The following TPX2 variants were observed in gnomAD, a reference collection of about 807,000 sequenced individuals.
TPX2 encodes targeting protein for Xklp2.
TPX2 carries 21 observed loss-of-function variants against 93.6 expected under a neutral mutation model. That is an observed-to-expected ratio of 0.22 (90% CI 0.16 to 0.32). The LOEUF is 0.32. Among genes scored for constraint, TPX2 ranks in the 10% least tolerant of loss-of-function variants. The probability of loss-of-function intolerance (pLI) is 1.00; values close to 1 mark genes in which losing one functional copy is unlikely to be tolerated. For synonymous variants in TPX2, 281 were observed against 298.3 expected (o/e 0.94, Z 0.60); for missense variants, 776 against 871.1 (o/e 0.89, Z 1.37).
At chr20:31,756,632 A>C (rs1355989748) in intron 2 of TPX2, among the ~76,000 whole-genome samples, 1 of 151,362 alleles carries the variant, frequency 6.6e-6, no homozygotes, top group Admixed American at 6.6e-5. Flanking sequence ...ATTTATTATT[A>C]TTTTTTTTGA....
intron 3 of TPX2, 118 bp downstream of exon 3, chr20:31,757,700 C>A: frequency 2.8e-6 from 2 of 708,032 alleles, no homozygotes; most frequent in South Asian, 1.9e-5. Context: ...CTTTCTGCAC[C>A]AAGACATTCT....
chr20:31,775,931 G>T lies in TPX2; in HGVS notation c.673G>T (p.Val225Leu). The change falls in exon 8 of 18, where the codon GTG becomes TTG. Residue 225 changes from valine to leucine, a missense_variant. Around this residue, in one of 3 missense-constraint regions of TPX2, gnomAD observed 279 missense variants for 261.6 expected, o/e 1.07. Coordinates refer to ENST00000300403, the MANE Select transcript of TPX2 (RefSeq NM_012112.5). ...LEKSMKMQQE[V>L]VEMRKKNEEF... is the part of the protein sequence containing the mutation. The stretch of plus-strand genomic sequence containing the variant: ...GAAGAGTATGAAAATGCAGCAAGAG[G>T]TGGTGGAGATGCGGAAAAAGAATGA... 1 of 1,604,862 alleles carries T rather than the reference G, an allele frequency of 6.2e-7. No individual in the cohort carries two copies. The highest frequency in any genetic ancestry group is 8.5e-7 in the Non-Finnish European group (1 of 1,174,808).
chr20:31,768,345 C>T (rs1226047463), intron 5 of TPX2, among the ~76,000 whole-genome samples: 1 of 151,750 alleles, frequency 6.6e-6, no homozygotes, highest in African/African-American at 2.4e-5. Context: ...AAGTGATTCT[C>T]CTGCCTCAGC....
At chr20:31,784,038 G>A in intron 12 of TPX2, 117 bp downstream of exon 12, 1 of 1,086,850 alleles carries the variant, frequency 9.2e-7, no homozygotes, top group Non-Finnish European at 1.3e-6. Flanking sequence ...GGAACTGCAG[G>A]TGATAAAGAG....
At chr20:31,775,210 C>T (rs529411974) in intron 7 of TPX2, among the ~76,000 whole-genome samples, 3 of 151,784 alleles carry the variant, frequency 2.0e-5, no homozygotes, top group African/African-American at 7.3e-5. Context: ...CCACCCGCCT[C>T]GGCCTCCCAA....
intron 10 of TPX2, among the ~76,000 whole-genome samples, 166 bp downstream of exon 10, chr20:31,779,150 C>T (rs1484188718): frequency 6.6e-6 from 1 of 152,118 alleles, no homozygotes; most frequent in Non-Finnish European, 1.5e-5. Context: ...TTCAAACCAC[C>T]CAGCTGTCTG....
At chr20:31,782,498 G>A in intron 11 of TPX2, 108 bp downstream of exon 11, 1 of 1,427,310 alleles carries the variant, frequency 7.0e-7, no homozygotes, top group Non-Finnish European at 9.4e-7. Context: ...AAAATTTATG[G>A]CATTTGAGTA....
chr20:31,787,388 G>T (rs2062073774), intron 12 of TPX2, among the ~76,000 whole-genome samples: 1 of 151,618 alleles, frequency 6.6e-6, no homozygotes, highest in Admixed American at 6.6e-5. Context: ...TCAACTCTTG[G>T]TTTCTAGAGA....
At chr20:31,796,293 T>G (rs1487339957) in intron 15 of TPX2, among the ~76,000 whole-genome samples, 1 of 152,224 alleles carries the variant, frequency 6.6e-6, no homozygotes, top group Admixed American at 6.5e-5. Flanking sequence ...AAGATTACTT[T>G]GAAACAAATT....
intron 12 of TPX2, among the ~76,000 whole-genome samples, chr20:31,790,671 A>G (rs371018856): frequency 6.6e-6 from 1 of 152,156 alleles, no homozygotes; most frequent in Admixed American, 6.5e-5. Flanking sequence ...CTAGAGTCCA[A>G]GGTATAAATT....
intron 2 of TPX2, among the ~76,000 whole-genome samples, chr20:31,753,207 T>C (rs2061830319): frequency 6.6e-6 from 1 of 152,170 alleles, no homozygotes; most frequent in Admixed American, 6.5e-5. Context: ...ATGAACACCC[T>C]TCTTTAATTC....
intron 4 of TPX2, among the ~76,000 whole-genome samples, chr20:31,761,058 A>G (rs2061886982): frequency 6.6e-6 from 1 of 152,192 alleles, no homozygotes; most frequent in Admixed American, 6.6e-5. Context: ...AGTGTTTTTA[A>G]GTATATTCAC....
chr20:31,788,950 C>G (rs886494889), intron 12 of TPX2, among the ~76,000 whole-genome samples: 1 of 152,150 alleles, frequency 6.6e-6, no homozygotes, highest in Non-Finnish European at 1.5e-5. Context: ...GGCCTGAGAT[C>G]CTGTCCCAGG....
At chr20:31,793,259 G>T (rs1252253634) in intron 13 of TPX2, among the ~76,000 whole-genome samples, 1 of 152,198 alleles carries the variant, frequency 6.6e-6, no homozygotes, top group Non-Finnish European at 1.5e-5. Context: ...AAAGGTGACT[G>T]TGGTGATCGT....
intron 17 of TPX2, among the ~76,000 whole-genome samples, chr20:31,799,081 G>C (rs976880028): frequency 6.6e-6 from 1 of 152,286 alleles, no homozygotes; most frequent in East Asian, 1.9e-4. Context: ...CTGTATTTTT[G>C]TTTTAATACT....
intron 17 of TPX2, among the ~76,000 whole-genome samples, chr20:31,799,590 G>A (rs2062157602): frequency 6.6e-6 from 1 of 152,076 alleles, no homozygotes; most frequent in Non-Finnish European, 1.5e-5. Context: ...AAAATATACA[G>A]TGTTATCTGT....
chr20:31,765,327 A>AC (rs2061918134), intron 4 of TPX2, among the ~76,000 whole-genome samples: 1 of 151,798 alleles, frequency 6.6e-6, no homozygotes, highest in African/African-American at 2.4e-5. Context: ...AAAAAAAAAA[A>AC]AAAAACGTTT....
intron 8 of TPX2, among the ~76,000 whole-genome samples, chr20:31,777,225 A>G (rs936489718): frequency 6.6e-6 from 1 of 152,198 alleles, no homozygotes; most frequent in Admixed American, 6.5e-5. Flanking sequence ...GACCACACCT[A>G]GGAGATGGGA....
At chr20:31,748,337 C>G (rs1342906388) in intron 2 of TPX2, among the ~76,000 whole-genome samples, 3 of 152,108 alleles carry the variant, frequency 2.0e-5, no homozygotes, top group Admixed American at 6.6e-5. Flanking sequence ...TCTTCATAGT[C>G]TCTTTACTCT....
Sources: gnomAD v4.1 joint callset for allele counts (sites outside exome capture counted in the v4.1 genomes callset) on GRCh38, gnomAD v4.1.1 for gene constraint, gnomAD v4.1.1 regional missense constraint, MANE v1.5 for transcripts, NCBI Gene and HGNC (gene_info 2026-07-23, HGNC 2026-07-21) for gene names.